ZFPM2: variants seen among roughly 807,000 people sequenced by gnomAD.
ZFPM2 encodes zinc finger protein ZFPM2.
ZFPM2 carries 20 observed loss-of-function variants against 98.6 expected under a neutral mutation model. The observed-to-expected ratio is 0.20, with a 90% CI of 0.14 to 0.29. The LOEUF (loss-of-function observed/expected upper bound fraction) is 0.29, where lower values mean the gene tolerates loss of function less well. ZFPM2 is among the 10% of genes least tolerant of loss of function. The pLI is 1.00. For missense variants in ZFPM2, 1,310 were observed against 1,388.6 expected, an observed-to-expected ratio of 0.94 and a Z score of 0.90; for synonymous variants, 518 against 502.7, an observed-to-expected ratio of 1.03 and a Z score of -0.41.
At chr8:105,476,388 T>G (rs1478536202) in intron 3 of ZFPM2, among the ~76,000 whole-genome samples, 1 of 152,144 alleles carries the variant, frequency 6.6e-6, no homozygotes, top group African/African-American at 2.4e-5. Context: ...GGAATCTAGG[T>G]TGCACGCTCC....
chr8:105,326,096 G>C (rs916009564), intron 1 of ZFPM2, among the ~76,000 whole-genome samples: 3 of 151,622 alleles, frequency 2.0e-5, no homozygotes, highest in African/African-American at 7.3e-5. Flanking sequence ...TCAAGTCCAA[G>C]AAAGAAGTTT....
At chr8:105,431,646 G>A (rs1812022183) in intron 2 of ZFPM2, among the ~76,000 whole-genome samples, 1 of 152,148 alleles carries the variant, frequency 6.6e-6, no homozygotes, top group Non-Finnish European at 1.5e-5. Flanking sequence ...AGGCATGGTG[G>A]CTCACACCTG....
intron 2 of ZFPM2, among the ~76,000 whole-genome samples, chr8:105,422,385 C>G (rs1440510789): frequency 6.6e-6 from 1 of 152,096 alleles, no homozygotes; most frequent in African/African-American, 2.4e-5. Context: ...AGGTTACAGA[C>G]AGCCGAGATT....
rs144301409 is a variant in ZFPM2 at position 105,630,986 on chromosome 8, T to A, written c.421-3260T>A. Among the ~76,000 whole-genome samples the A allele has an allele frequency of 6.5e-3, 987 of 152,110 alleles. 4 individuals are homozygous for A. Among genetic ancestry groups the A allele is most frequent in the African/African-American group, 0.021 (883 of 41,500 alleles). On this transcript the variant is annotated intron_variant, in intron 4 of 7. Transcript: ENST00000407775. ...CCAGGATGGTTGTTCACCCTAGGGG[T>A]GGTAATATTTGGAAACAAAGCTAAT...
intron 3 of ZFPM2, among the ~76,000 whole-genome samples, chr8:105,489,895 A>G (rs139052506): frequency 3.3e-5 from 5 of 152,220 alleles, no homozygotes; most frequent in African/African-American, 1.2e-4. Flanking sequence ...AACAAAGGGG[A>G]CTCACAACTA....
At chr8:105,390,932 G>A (rs552199029) in intron 1 of ZFPM2, among the ~76,000 whole-genome samples, 43 of 152,258 alleles carry the variant, frequency 2.8e-4, no homozygotes, top group African/African-American at 9.9e-4. Flanking sequence ...TGAAGATATT[G>A]ATGAAACACA....
intron 3 of ZFPM2, among the ~76,000 whole-genome samples, chr8:105,457,225 T>G (rs1812610282): frequency 6.6e-6 from 1 of 152,190 alleles, no homozygotes; most frequent in Non-Finnish European, 1.5e-5. Flanking sequence ...GGACCTTGGG[T>G]GTTATTATAT....
At chr8:105,631,271 C>A (rs980453209) in intron 4 of ZFPM2, among the ~76,000 whole-genome samples, 2 of 152,162 alleles carry the variant, frequency 1.3e-5, no homozygotes, top group African/African-American at 4.8e-5. Context: ...CTTTTAAAAT[C>A]TGTTTATAAC....
intron 5 of ZFPM2, chr8:105,737,657 G>C (rs982989018): frequency 1.2e-4 from 19 of 152,370 alleles, no homozygotes; most frequent in Non-Finnish European, 2.3e-4. Context: ...TCTGGAGGCA[G>C]ACCCAGGGGA....
At chr8:105,649,584 G>A (rs576471749) in intron 5 of ZFPM2, among the ~76,000 whole-genome samples, 17 of 152,268 alleles carry the variant, frequency 1.1e-4, no homozygotes, top group African/African-American at 3.9e-4. Flanking sequence ...AGAGTTTTTA[G>A]CATGAAGTGC....
intron 5 of ZFPM2, among the ~76,000 whole-genome samples, chr8:105,711,675 T>G (rs1811403861): frequency 6.6e-6 from 1 of 152,016 alleles, no homozygotes; most frequent in Non-Finnish European, 1.5e-5. Flanking sequence ...CCCCCAGAAG[T>G]GTGTCTTTCA....
intron 4 of ZFPM2, among the ~76,000 whole-genome samples, chr8:105,592,168 A>G (rs1189528786): frequency 6.6e-6 from 1 of 152,058 alleles, no homozygotes; most frequent in Non-Finnish European, 1.5e-5. Flanking sequence ...CTCAAAGCAA[A>G]ACTATCAAAA....
chr8:105,470,739 C>T (rs1812887138), intron 3 of ZFPM2, among the ~76,000 whole-genome samples: 1 of 151,858 alleles, frequency 6.6e-6, no homozygotes. Flanking sequence ...GATTGTGCCA[C>T]TGCACTCCAG....
intron 6 of ZFPM2, among the ~76,000 whole-genome samples, chr8:105,790,154 C>T (rs1359288027): frequency 4.6e-5 from 7 of 151,282 alleles, no homozygotes. Context: ...ACATGAAGTC[C>T]TTGCCCATGC....
chr8:105,694,198 G>A lies in ZFPM2; in HGVS notation c.532+59841G>A, dbSNP rs1008815728. Among the ~76,000 whole-genome samples, 17 of 151,766 alleles carry A rather than the reference G, an allele frequency of 1.1e-4. 1 individual carries two copies. The highest frequency in any genetic ancestry group is 3.4e-4 in the African/African-American group (14 of 41,366). On this transcript the variant is annotated intron_variant, in intron 5 of 7. Coordinates refer to ENST00000407775, the MANE Select transcript of ZFPM2 (RefSeq NM_012082.4). ...AGACGGGGTTTCGCTGTGTTAGCCA[G>A]GATGGTCTCAATCTCCTGACCTTGT...
In ZFPM2 at chr8:105,746,654, A is replaced by ATTTTTTTTTTTTTTTTTTTTTT. The variant is rs1563546914; in HGVS notation, c.533-42064_533-42063insTTTTTTTTTTTTTTTTTTTTTT. Among the ~76,000 whole-genome samples the ATTTTTTTTTTTTTTTTTTTTTT allele has an allele frequency of 4.5e-5, 5 of 112,048 alleles. 1 individual carries two copies. Among genetic ancestry groups the ATTTTTTTTTTTTTTTTTTTTTT allele is most frequent in the Non-Finnish European group, 3.7e-5 (2 of 53,998 alleles). 73.5% of individuals were successfully genotyped at this position (112,048 alleles called of 152,430 possible). A position where few individuals can be genotyped will look rare whatever the true frequency, so the allele number is the denominator to read the frequency against. The stretch of plus-strand genomic sequence containing the variant: ...TGCGTTTTCTTGTTCTGTTTTTAAA[A>ATTTTTTTTTTTTTTTTTTTTTT]ATTTTTTTTTTTTTTTTTTTTTTGG... On this transcript the variant is annotated intron_variant, in intron 5 of 7. Coordinates refer to ENST00000407775, the MANE Select transcript of ZFPM2 (RefSeq NM_012082.4).
chr8:105,598,685 C>T (rs573691233), intron 4 of ZFPM2, among the ~76,000 whole-genome samples: 122 of 152,178 alleles, frequency 8.0e-4, no homozygotes, highest in African/African-American at 2.9e-3. Context: ...CATTTGCCTC[C>T]TTGTTCCTAC....
intron 3 of ZFPM2, among the ~76,000 whole-genome samples, chr8:105,513,385 A>T: frequency 6.6e-6 from 1 of 152,214 alleles, no homozygotes; most frequent in Non-Finnish European, 1.5e-5. Context: ...GATAATGGGT[A>T]TCTGATCCAA....
intron 1 of ZFPM2, among the ~76,000 whole-genome samples, chr8:105,357,569 A>C (rs1812771742): frequency 6.6e-6 from 1 of 152,204 alleles, no homozygotes; most frequent in Admixed American, 6.6e-5. Context: ...GACATTATTG[A>C]ATATTTTGTC....
Sources: gnomAD v4.1 joint callset for allele counts (sites outside exome capture counted in the v4.1 genomes callset) on GRCh38, gnomAD v4.1.1 for gene constraint, MANE v1.5 for transcripts, NCBI Gene and HGNC (gene_info 2026-07-23, HGNC 2026-07-21) for gene names.